FSTL4: variants seen among roughly 807,000 people sequenced by gnomAD.
FSTL4 encodes follistatin-related protein 4.
In FSTL4, 28 loss-of-function variants were observed where a neutral mutation model predicts 78.2. The observed-to-expected ratio is 0.36, with a 90% CI of 0.27 to 0.49. FSTL4 has a LOEUF of 0.49. FSTL4 is among the 20% of genes least tolerant of loss of function. The pLI, the probability that FSTL4 is intolerant of heterozygous loss-of-function variation, is 0.98. For synonymous variants in FSTL4, 422 were observed against 440.5 expected (o/e 0.96, Z 0.53); for missense variants, 922 against 1,084.9 (o/e 0.85, Z 2.11).
At chr5:133,363,521 G>A (rs1356752210) in intron 4 of FSTL4, among the ~76,000 whole-genome samples, 1 of 152,066 alleles carries the variant, frequency 6.6e-6, no homozygotes, top group Non-Finnish European at 1.5e-5. Context: ...GAAGTACTCC[G>A]TCCAGCCCTG....
chr5:133,830,083 C>T, the FSTL4 span, among the ~76,000 whole-genome samples: 2 of 152,166 alleles, frequency 1.3e-5, no homozygotes, highest in African/African-American at 4.8e-5. Context: ...ACATGCAGGC[C>T]CCAGTGACAA....
chr5:133,685,381 A>G, the FSTL4 span, among the ~76,000 whole-genome samples: 1 of 152,290 alleles, frequency 6.6e-6, no homozygotes, highest in East Asian at 1.9e-4. Flanking sequence ...CTGCGTTGGG[A>G]AAGGGAAGCT....
chr5:133,633,492 G>T, the FSTL4 span, among the ~76,000 whole-genome samples: 1 of 151,180 alleles, frequency 6.6e-6, no homozygotes, highest in Non-Finnish European at 1.5e-5. Flanking sequence ...TTATTTCTTT[G>T]TTGAGACTTT....
the FSTL4 span, among the ~76,000 whole-genome samples, chr5:133,763,353 CT>C: frequency 6.6e-6 from 1 of 152,234 alleles, no homozygotes; most frequent in African/African-American, 2.4e-5. Context: ...ACTCTAACAA[CT>C]GACTCTTATT....
At chr5:133,285,293 G>T (rs535016039) in intron 6 of FSTL4, among the ~76,000 whole-genome samples, 131 of 152,334 alleles carry the variant, frequency 8.6e-4, no homozygotes, top group Non-Finnish European at 1.7e-3. Context: ...GATGGAGGTG[G>T]CACTGCTAAA....
intron 1 of FSTL4, among the ~76,000 whole-genome samples, chr5:133,609,785 C>T (rs933430879): frequency 6.6e-6 from 1 of 152,236 alleles, no homozygotes; most frequent in Admixed American, 6.5e-5. Flanking sequence ...TTCCAATAAC[C>T]TTTATCCTTA....
chr5:133,452,056 C>A, intron 3 of FSTL4, among the ~76,000 whole-genome samples: 1 of 152,216 alleles, frequency 6.6e-6, no homozygotes, highest in East Asian at 1.9e-4. Flanking sequence ...GGGAGATAGA[C>A]CTACAGAGTA....
the FSTL4 span, among the ~76,000 whole-genome samples, chr5:133,727,380 A>G: frequency 6.6e-6 from 1 of 152,204 alleles, no homozygotes; most frequent in African/African-American, 2.4e-5. Flanking sequence ...TGAAGCTGTC[A>G]TTCTTGCTGA....
chr5:133,673,585 T>C, the FSTL4 span, among the ~76,000 whole-genome samples: 1 of 152,252 alleles, frequency 6.6e-6, no homozygotes, highest in Admixed American at 6.5e-5. Flanking sequence ...CCAACCATTG[T>C]GGATTCAAAT....
At chr5:133,452,640 G>T (rs1757408000) in intron 3 of FSTL4, among the ~76,000 whole-genome samples, 1 of 152,162 alleles carries the variant, frequency 6.6e-6, no homozygotes, top group Admixed American at 6.5e-5. Context: ...TGTAGATGAA[G>T]AAATTGAGGC....
chr5:133,629,096 T>C, the FSTL4 span, among the ~76,000 whole-genome samples: 1 of 150,768 alleles, frequency 6.6e-6, no homozygotes, highest in Non-Finnish European at 1.5e-5. Context: ...CACTATGATA[T>C]TGGCTGTGGG....
the FSTL4 span, among the ~76,000 whole-genome samples, chr5:133,721,468 G>A: frequency 6.6e-6 from 1 of 152,110 alleles, no homozygotes; most frequent in Non-Finnish European, 1.5e-5. Context: ...CAGTACTAGT[G>A]GTGATGAATT....
At chr5:133,484,363 T>C (rs1271479510) in intron 3 of FSTL4, among the ~76,000 whole-genome samples, 4 of 152,192 alleles carry the variant, frequency 2.6e-5, no homozygotes, top group Non-Finnish European at 4.4e-5. Context: ...TTTTAAGAAA[T>C]AGAGTTTTTC....
chr5:133,249,544 T>G lies in FSTL4; in HGVS notation c.760A>C (p.Arg254=), dbSNP rs757331072. The G allele has an allele frequency of 6.2e-7, 1 of 1,613,012 alleles. No individual in the cohort carries two copies. Among genetic ancestry groups the G allele is most frequent in the Non-Finnish European group, 8.5e-7 (1 of 1,179,384 alleles). ...VVQLSLAPED[R]VSVTTVTVGL... Reference sequence around the variant, plus strand: ...ACGGTCACTGTGGTCACACTGACCCTGTCCTCGGGGGCGAGGCTGAGCTGA... The same window carrying G: ...ACGGTCACTGTGGTCACACTGACCCGGTCCTCGGGGGCGAGGCTGAGCTGA... The change falls in exon 7 of 16, where the codon AGG becomes CGG. Residue 254 remains arginine (R), a synonymous_variant. Transcript: ENST00000265342.
At chr5:133,690,677 A>G in the FSTL4 span, among the ~76,000 whole-genome samples, 18 of 152,216 alleles carry the variant, frequency 1.2e-4, no homozygotes, top group Non-Finnish European at 2.5e-4. Context: ...CAGGGGATGA[A>G]CTGAATTTCT....
At chr5:133,724,808 G>A in the FSTL4 span, among the ~76,000 whole-genome samples, 1 of 152,040 alleles carries the variant, frequency 6.6e-6, no homozygotes, top group Admixed American at 6.5e-5. Flanking sequence ...AAGTCATGAC[G>A]ATTTTTCTCC....
intron 11 of FSTL4, among the ~76,000 whole-genome samples, chr5:133,223,540 AC>A (rs1185393993): frequency 6.6e-6 from 1 of 151,998 alleles, no homozygotes; most frequent in African/African-American, 2.4e-5. Flanking sequence ...GGGGACTGGG[AC>A]CCGGGCATGC....
the FSTL4 span, among the ~76,000 whole-genome samples, chr5:133,678,660 G>A: frequency 2.6e-5 from 4 of 152,176 alleles, no homozygotes; most frequent in African/African-American, 7.2e-5. Flanking sequence ...TGTTGAATAT[G>A]GAAGTGAATG....
the FSTL4 span, among the ~76,000 whole-genome samples, chr5:133,661,828 G>A: frequency 6.0e-3 from 917 of 152,240 alleles, 11 homozygotes; most frequent in African/African-American, 0.021. Flanking sequence ...AAACTTCTGT[G>A]TTGTCCTTAA....
Sources: gnomAD v4.1 joint callset for allele counts (sites outside exome capture counted in the v4.1 genomes callset) on GRCh38, gnomAD v4.1.1 for gene constraint, MANE v1.5 for transcripts, NCBI Gene and HGNC (gene_info 2026-07-23, HGNC 2026-07-21) for gene names.